BBS9: variants seen among roughly 807,000 people sequenced by gnomAD.
BBS9 encodes Bardet-Biedl syndrome 9.
BBS9 carries 89 observed loss-of-function variants against 117.7 expected under a neutral mutation model. The ratio of observed to expected loss-of-function variants is 0.76; its 90% CI spans 0.64 to 0.90. The LOEUF is 0.90. BBS9 is among the 40% of genes least tolerant of loss of function. The pLI is 0.00. For missense variants in BBS9, 982 were observed against 1,042.2 expected, an observed-to-expected ratio of 0.94 and a Z score of 0.80; for synonymous variants, 379 against 370.9, an observed-to-expected ratio of 1.02 and a Z score of -0.25.
At chr7:33,307,926 C>T (rs937074553) in intron 9 of BBS9, among the ~76,000 whole-genome samples, 2 of 152,128 alleles carry the variant, frequency 1.3e-5, no homozygotes, top group African/African-American at 2.4e-5. Flanking sequence ...TTTATACTCT[C>T]CAAAAGTGCA....
intron 21 of BBS9, among the ~76,000 whole-genome samples, chr7:33,625,328 A>G (rs913443842): frequency 6.6e-6 from 1 of 152,150 alleles, no homozygotes; most frequent in Non-Finnish European, 1.5e-5. Context: ...ACTATGTTCC[A>G]GGCCCTGAAT....
chr7:33,271,652 G>T (rs1282207769), intron 7 of BBS9, among the ~76,000 whole-genome samples: 4 of 152,112 alleles, frequency 2.6e-5, no homozygotes, highest in Non-Finnish European at 5.9e-5. Context: ...TCAACATGAA[G>T]ATCTAACTAT....
At chr7:33,591,086 A>G (rs912925238) in intron 21 of BBS9, among the ~76,000 whole-genome samples, 1 of 152,078 alleles carries the variant, frequency 6.6e-6, no homozygotes, top group African/African-American at 2.4e-5. Context: ...ACTAGCCTAT[A>G]CATTAGTGGG....
At chr7:33,136,053 A>C (rs1790413814) in intron 1 of BBS9, among the ~76,000 whole-genome samples, 1 of 152,010 alleles carries the variant, frequency 6.6e-6, no homozygotes, top group Non-Finnish European at 1.5e-5. Flanking sequence ...CCTCCTGTGT[A>C]GCTAGTATTA....
intron 19 of BBS9, among the ~76,000 whole-genome samples, chr7:33,503,603 A>T (rs1845752250): frequency 6.6e-6 from 1 of 152,158 alleles, no homozygotes; most frequent in African/African-American, 2.4e-5. Flanking sequence ...TCCCTACAAT[A>T]CTTCCCGCAA....
chr7:33,372,589 A>G (rs1161037591), intron 17 of BBS9, among the ~76,000 whole-genome samples: 1 of 152,136 alleles, frequency 6.6e-6, no homozygotes, highest in African/African-American at 2.4e-5. Flanking sequence ...ATCTTTGTTC[A>G]TCAGGGATAC....
chr7:33,533,885 TA>T, intron 20 of BBS9, 68 bp from the exon 21 acceptor site: 1 of 1,506,774 alleles, frequency 6.6e-7, no homozygotes, highest in Non-Finnish European at 9.2e-7. Flanking sequence ...ATAATCTGTA[TA>T]ATACATCAAG....
intron 20 of BBS9, among the ~76,000 whole-genome samples, chr7:33,531,870 T>C (rs1452718326): frequency 6.6e-6 from 1 of 152,258 alleles, no homozygotes; most frequent in East Asian, 1.9e-4. Context: ...GTTGTATAAA[T>C]GATCCTGGGA....
chr7:33,215,588 G>C (rs76906823), intron 5 of BBS9, among the ~76,000 whole-genome samples: 5,317 of 152,210 alleles, frequency 0.035, 164 homozygotes, highest in African/African-American at 0.078. Flanking sequence ...CATTTTGGGA[G>C]ATTGGTCTGG....
intron 1 of BBS9, among the ~76,000 whole-genome samples, chr7:33,130,735 T>TAA (rs150570189): frequency 6.7e-6 from 1 of 148,856 alleles, no homozygotes; most frequent in East Asian, 2.0e-4. Flanking sequence ...ACGGAAGAAT[T>TAA]AAAAAAAAAA....
intron 2 of BBS9, among the ~76,000 whole-genome samples, chr7:33,151,781 T>G (rs1793363308): frequency 6.6e-6 from 1 of 151,334 alleles, no homozygotes; most frequent in African/African-American, 2.4e-5. Flanking sequence ...GAACTCCTGA[T>G]CTCAAGTGAT....
chr7:33,582,761 T>C (rs1462953458), intron 21 of BBS9, among the ~76,000 whole-genome samples: 2 of 152,060 alleles, frequency 1.3e-5, no homozygotes, highest in South Asian at 2.1e-4. Flanking sequence ...AATATGAGGA[T>C]TTGGGTGATG....
intron 11 of BBS9, among the ~76,000 whole-genome samples, chr7:33,342,376 T>C (rs988186082): frequency 2.6e-5 from 4 of 152,154 alleles, no homozygotes; most frequent in Non-Finnish European, 4.4e-5. Context: ...CATATTTTCT[T>C]GCTGTGGAAA....
intron 3 of BBS9, among the ~76,000 whole-genome samples, chr7:33,154,774 G>A (rs1054824331): frequency 5.9e-5 from 9 of 152,078 alleles, no homozygotes; most frequent in African/African-American, 1.4e-4. Flanking sequence ...ACACCTGGCC[G>A]CCTGCTCAGT....
At chr7:33,190,862 G>A (rs998839631) in intron 5 of BBS9, among the ~76,000 whole-genome samples, 3 of 152,220 alleles carry the variant, frequency 2.0e-5, no homozygotes, top group African/African-American at 4.8e-5. Flanking sequence ...AGAGGGAAGA[G>A]GGGTGGATTT....
At chr7:33,626,121 TAGTG>T (rs937911481) in intron 21 of BBS9, among the ~76,000 whole-genome samples, 4 of 152,172 alleles carry the variant, frequency 2.6e-5, no homozygotes, top group African/African-American at 7.2e-5. Context: ...GTGCTCATGA[TAGTG>T]AGTAAGTTCT....
At position 33,152,763 on chromosome 7, in the gene BBS9, A is replaced by G; in HGVS notation, c.175A>G (p.Thr59Ala). 7 of 1,613,608 alleles carry G rather than the reference A, an allele frequency of 4.3e-6. No homozygotes were observed. Among genetic ancestry groups the G allele is most frequent in the Non-Finnish European group, 5.9e-6 (7 of 1,179,768 alleles). Residue 59 changes from threonine (T) to alanine (A), a missense_variant, in exon 3 of 23, where the codon ACA becomes GCA. Thr to Ala is a moderately conservative substitution (Grantham distance 58). Coordinates refer to ENST00000242067, the MANE Select transcript of BBS9 (RefSeq NM_198428.3). ...GATCTTTAGCCCCCATCCTGCAAAA[A>G]CAGGAGATGGAGCTCAAGCCGAAGA... is the stretch of plus-strand genomic sequence containing the variant. ...LRIFSPHPAK[T>A]GDGAQAEDLL...
At chr7:33,350,430 A>AT (rs1278077888) in intron 13 of BBS9, among the ~76,000 whole-genome samples, 2 of 152,126 alleles carry the variant, frequency 1.3e-5, no homozygotes, top group Non-Finnish European at 2.9e-5. Flanking sequence ...TAAATAATTT[A>AT]TTTTTTCCAT....
chr7:33,294,259 A>T (rs1804697985), intron 9 of BBS9, among the ~76,000 whole-genome samples: 1 of 151,868 alleles, frequency 6.6e-6, no homozygotes, highest in Admixed American at 6.6e-5. Context: ...ACACACACAC[A>T]CTCACGCACA....
Sources: gnomAD v4.1 joint callset for allele counts (sites outside exome capture counted in the v4.1 genomes callset) on GRCh38, gnomAD v4.1.1 for gene constraint, MANE v1.5 for transcripts, NCBI Gene and HGNC (gene_info 2026-07-23, HGNC 2026-07-21) for gene names.